Variants in ZNF608 observed in about 807,000 individuals in gnomAD.
ZNF608 encodes renal carcinoma antigen NY-REN-36.
In ZNF608, 12 loss-of-function variants were observed where a neutral mutation model predicts 109.0. The observed-to-expected ratio is 0.11, with a 90% confidence interval of 0.07 to 0.18. The LOEUF (loss-of-function observed/expected upper bound fraction) is 0.18, where lower values mean the gene tolerates loss of function less well. ZNF608 is among the 10% of genes least tolerant of loss of function. The probability of loss-of-function intolerance (pLI) is 1.00; values close to 1 mark genes in which losing one functional copy is unlikely to be tolerated. For missense variants in ZNF608, 1,707 were observed against 1,879.3 expected (o/e 0.91, Z 1.70); for synonymous variants, 732 against 717.4 (o/e 1.02, Z -0.33).
intron 2 of ZNF608, among the ~76,000 whole-genome samples, chr5:124,739,527 T>G (rs74551203): frequency 6.6e-6 from 1 of 152,186 alleles, no homozygotes; most frequent in Non-Finnish European, 1.5e-5. Context: ...ACTGACTAAA[T>G]AGTCAGATCT....
At chr5:124,743,551 A>C (rs1749508382) in intron 2 of ZNF608, among the ~76,000 whole-genome samples, 1 of 152,254 alleles carries the variant, frequency 6.6e-6, no homozygotes, top group Non-Finnish European at 1.5e-5. Flanking sequence ...GGAGACAGTA[A>C]GAAAAAATAA....
At chr5:124,639,852 T>C (rs920772856) in intron 8 of ZNF608, among the ~76,000 whole-genome samples, 3 of 152,226 alleles carry the variant, frequency 2.0e-5, no homozygotes, top group African/African-American at 4.8e-5. Context: ...AAGATTACTG[T>C]CTCCTTCTAG....
intron 2 of ZNF608, among the ~76,000 whole-genome samples, chr5:124,718,943 T>G (rs1753804987): frequency 6.6e-6 from 1 of 152,206 alleles, no homozygotes; most frequent in African/African-American, 2.4e-5. Context: ...TTCTCTACCC[T>G]CAAAATCAGA....
At chr5:124,706,767 T>C (rs1486258466) in intron 2 of ZNF608, among the ~76,000 whole-genome samples, 1 of 152,186 alleles carries the variant, frequency 6.6e-6, no homozygotes, top group Admixed American at 6.5e-5. Flanking sequence ...CAGCTGGTGG[T>C]GGCAGCCTGT....
chr5:124,673,085 T>C (rs974757566), intron 3 of ZNF608, among the ~76,000 whole-genome samples: 1 of 152,144 alleles, frequency 6.6e-6, no homozygotes, highest in Non-Finnish European at 1.5e-5. Flanking sequence ...GAGCCTCCAA[T>C]AGCCAATGAG....
chr5:124,671,865 T>G (rs1392555126), intron 3 of ZNF608, among the ~76,000 whole-genome samples: 1 of 152,210 alleles, frequency 6.6e-6, no homozygotes, highest in Admixed American at 6.5e-5. Flanking sequence ...ATCGAACTCC[T>G]GGGCTCATGT....
At chr5:124,702,612 C>T (rs905607658) in intron 2 of ZNF608, among the ~76,000 whole-genome samples, 3 of 151,872 alleles carry the variant, frequency 2.0e-5, no homozygotes, top group African/African-American at 4.8e-5. Context: ...GCTCCTTGTT[C>T]ATATGACTGT....
intron 2 of ZNF608, among the ~76,000 whole-genome samples, chr5:124,728,582 T>A (rs934691196): frequency 2.0e-5 from 3 of 152,166 alleles, no homozygotes; most frequent in African/African-American, 7.2e-5. Flanking sequence ...TTATCTTCGT[T>A]ACCATGCAAG....
At chr5:124,656,187 T>A (rs940431192) in intron 3 of ZNF608, among the ~76,000 whole-genome samples, 5 of 152,174 alleles carry the variant, frequency 3.3e-5, no homozygotes, top group Admixed American at 6.5e-5. Flanking sequence ...GCAATGGAGC[T>A]TGGGAGATAG....
chr5:124,709,634 C>G (rs1372778936), intron 2 of ZNF608, among the ~76,000 whole-genome samples: 1 of 152,190 alleles, frequency 6.6e-6, no homozygotes, highest in Admixed American at 6.5e-5. Flanking sequence ...TGTCCTACTG[C>G]TGAGCCACAG....
Position 124,636,920 on chromosome 5 carries a change from TA to T in ZNF608, c.*979del, listed in dbSNP as rs70991633. 5.3e-4 allele frequency: 77 copies of T among 146,156 alleles called. No individual in the cohort carries two copies. The highest frequency in any genetic ancestry group is 3.6e-3 in the Middle Eastern group (1 of 276). 9.1% of individuals were successfully genotyped at this position (146,156 alleles called of 1,614,324 possible). A position where few individuals can be genotyped will look rare whatever the true frequency, so the allele number is the denominator to read the frequency against. ...ATGAGACAGACAAGAAGCCATTATT[TA>T]AAAAAAAAAAAACTTTTTAATTCTG... is the stretch of plus-strand genomic sequence containing the variant. On this transcript the variant is annotated 3_prime_UTR_variant, in exon 10 of 10. Coordinates refer to ENST00000513986, the MANE Select transcript of ZNF608 (RefSeq NM_020747.3).
intron 2 of ZNF608, among the ~76,000 whole-genome samples, chr5:124,723,233 T>C (rs1754006772): frequency 6.6e-6 from 1 of 152,084 alleles, no homozygotes; most frequent in African/African-American, 2.4e-5. Flanking sequence ...GGTTTTGCAT[T>C]CCTGGTCTCA....
intron 2 of ZNF608, among the ~76,000 whole-genome samples, chr5:124,706,950 G>A (rs917924046): frequency 1.3e-5 from 2 of 152,184 alleles, no homozygotes; most frequent in African/African-American, 4.8e-5. Flanking sequence ...AGGCAGGGAA[G>A]AAAAGGTTAT....
At chr5:124,683,200 TG>T (rs1312229684) in intron 3 of ZNF608, among the ~76,000 whole-genome samples, 1 of 152,212 alleles carries the variant, frequency 6.6e-6, no homozygotes, top group Non-Finnish European at 1.5e-5. Flanking sequence ...CTCCACTGGA[TG>T]GGGTCTTCAG....
intron 2 of ZNF608, among the ~76,000 whole-genome samples, chr5:124,705,812 T>C (rs1431964634): frequency 6.6e-6 from 1 of 152,332 alleles, no homozygotes; most frequent in East Asian, 1.9e-4. Context: ...ATGAGTCCCG[T>C]ACTACTACAG....
chr5:124,687,805 C>T (rs915726186), intron 3 of ZNF608, among the ~76,000 whole-genome samples: 1 of 152,100 alleles, frequency 6.6e-6, no homozygotes, highest in South Asian at 2.1e-4. Context: ...GGAATGCTTT[C>T]GTAGATACTA....
At chr5:124,656,059 C>T (rs1013779346) in intron 3 of ZNF608, among the ~76,000 whole-genome samples, 5 of 151,988 alleles carry the variant, frequency 3.3e-5, no homozygotes, top group African/African-American at 7.3e-5. Flanking sequence ...AGAGCCCTAC[C>T]GCTGGGCTGA....
chr5:124,721,941 CAAAAAAAA>C (rs199699487), intron 2 of ZNF608, among the ~76,000 whole-genome samples: 1,987 of 20,680 alleles, frequency 0.096, 35 homozygotes, highest in South Asian at 0.3. Context: ...GACTCTGTCT[CAAAAAAAA>C]AAAAAAAAAA....
intron 2 of ZNF608, chr5:124,708,607 A>G: frequency 2.4e-6 from 1 of 419,034 alleles, no homozygotes; most frequent in Non-Finnish European, 4.8e-6. Flanking sequence ...TACTGAAACC[A>G]AAGCTCAGCT....
Sources: allele counts gnomAD v4.1 joint callset (sites outside exome capture counted in the v4.1 genomes callset), GRCh38; gene constraint gnomAD v4.1.1; transcripts MANE v1.5; gene names NCBI Gene and HGNC (gene_info 2026-07-23, HGNC 2026-07-21).